The following DMRT1 variants were observed in gnomAD, a reference collection of about 807,000 sequenced individuals.
DMRT1 encodes the protein doublesex- and mab-3-related transcription factor 1.
Under a neutral mutation model 32.3 loss-of-function variants are expected in DMRT1, and 7 were observed. The ratio of observed to expected loss-of-function variants is 0.22; its 90% CI spans 0.12 to 0.41. The LOEUF (loss-of-function observed/expected upper bound fraction) is 0.41, where lower values mean the gene tolerates loss of function less well. DMRT1 is among the 10% of genes least tolerant of loss of function. The probability of loss-of-function intolerance (pLI) is 1.00; values close to 1 mark genes in which losing one functional copy is unlikely to be tolerated. For synonymous variants in DMRT1, 278 were observed against 206.1 expected, an observed-to-expected ratio of 1.35 and a Z score of -2.99; for missense variants, 625 against 500.5, an observed-to-expected ratio of 1.25 and a Z score of -2.37.
chr9:842,094 T>C lies in DMRT1; in HGVS notation c.256T>C (p.Ser86Pro). 6.5e-7 allele frequency: 1 copy of C among 1,546,876 alleles called. No homozygotes were observed. Among genetic ancestry groups the C allele is most frequent in the Admixed American group, 1.9e-5 (1 of 51,920 alleles). Residue 86 changes from serine (S) to proline (P), a missense_variant, in exon 1 of 5, where the codon TCG becomes CCG. Around this residue, in one of 3 missense-constraint regions of DMRT1, gnomAD observed 201 missense variants for 152.0 expected, o/e 1.32. Transcript: ENST00000382276. ...ACGCTGCAGGAACCACGGCTACGCC[T>C]CGCCGCTCAAGGGCCACAAGCGCTT... The part of the protein sequence containing the change: ...CARCRNHGYA[S>P]PLKGHKRFCM...
intron 2 of DMRT1, among the ~76,000 whole-genome samples, chr9:858,864 AAAAAAAAT>A (rs869123392): frequency 0.029 from 854 of 29,024 alleles, 5 homozygotes; most frequent in Middle Eastern, 0.056. Flanking sequence ...AAAAAAAAAA[AAAAAAAAT>A]ATATATATAT....
Position 968,009 on chromosome 9 carries a change from A to G in DMRT1, c.992A>G (p.Asp331Gly). ...ASVFSPPSSQ[D>G]SGLVSLSSSS... ...GTATTCTCGCCGCCCAGCAGTCAAG[A>G]TTCTGGCTTGGTTTCCCTCTCGAGC... The change falls in exon 5 of 5, where the codon GAT (aspartate) becomes GGT (glycine). Residue 331 changes from aspartate to glycine, a missense_variant. Coordinates refer to ENST00000382276, the MANE Select transcript of DMRT1 (RefSeq NM_021951.3). The G allele has an allele frequency of 1.2e-6, 2 of 1,613,776 alleles. No homozygotes were observed. The highest frequency in any genetic ancestry group is 1.6e-4 in the Middle Eastern group (1 of 6,062).
chr9:867,754 G>C (rs1049593688), intron 2 of DMRT1, among the ~76,000 whole-genome samples: 4 of 152,138 alleles, frequency 2.6e-5, no homozygotes, highest in African/African-American at 7.2e-5. Flanking sequence ...CCAGTAGGTG[G>C]CCAGGTGGTT....
At chr9:939,382 G>A (rs1013077623) in intron 4 of DMRT1, among the ~76,000 whole-genome samples, 8 of 152,136 alleles carry the variant, frequency 5.3e-5, no homozygotes, top group Non-Finnish European at 1.0e-4. Flanking sequence ...CATTCACCAA[G>A]TCTTCTTCTT....
intron 2 of DMRT1, among the ~76,000 whole-genome samples, chr9:855,804 G>A (rs1815374984): frequency 1.3e-5 from 2 of 152,128 alleles, no homozygotes; most frequent in South Asian, 4.1e-4. Flanking sequence ...TTTTTATAGA[G>A]ATGGGGATCT....
chr9:905,709 G>A (rs1269488126), intron 3 of DMRT1, among the ~76,000 whole-genome samples: 4 of 152,110 alleles, frequency 2.6e-5, no homozygotes, highest in Non-Finnish European at 5.9e-5. Flanking sequence ...GAACAGCCCT[G>A]GAACAGTGTC....
chr9:917,879 T>C (rs961067058), intron 4 of DMRT1, among the ~76,000 whole-genome samples: 1 of 152,196 alleles, frequency 6.6e-6, no homozygotes, highest in African/African-American at 2.4e-5. Context: ...GGAGCCTATG[T>C]AGTTTGAGCT....
chr9:939,781 T>C (rs948410917), intron 4 of DMRT1, among the ~76,000 whole-genome samples: 5 of 152,232 alleles, frequency 3.3e-5, no homozygotes, highest in Admixed American at 3.3e-4. Context: ...GTTTCTTTCA[T>C]ATAGATACTA....
At chr9:893,035 A>G (rs1817213466) in intron 2 of DMRT1, among the ~76,000 whole-genome samples, 1 of 151,866 alleles carries the variant, frequency 6.6e-6, no homozygotes, top group Non-Finnish European at 1.5e-5. Context: ...GTTTCCTCTG[A>G]CTTCCCATGG....
At chr9:963,270 T>C (rs1444252346) in intron 4 of DMRT1, among the ~76,000 whole-genome samples, 2 of 152,232 alleles carry the variant, frequency 1.3e-5, no homozygotes, top group East Asian at 3.8e-4. Context: ...AGTGCAGAGC[T>C]AGCCCCCTTC....
intron 4 of DMRT1, among the ~76,000 whole-genome samples, chr9:947,024 C>A (rs1021056067): frequency 1.3e-5 from 2 of 152,180 alleles, no homozygotes; most frequent in Non-Finnish European, 1.5e-5. Context: ...ACATGATTGG[C>A]AGTTTATTAT....
intron 2 of DMRT1, among the ~76,000 whole-genome samples, chr9:873,498 T>C (rs1338811491): frequency 6.6e-6 from 1 of 151,790 alleles, no homozygotes; most frequent in African/African-American, 2.4e-5. Flanking sequence ...TTTTTTTTTT[T>C]AGTAGAGATG....
At chr9:956,895 G>A (rs1045584547) in intron 4 of DMRT1, among the ~76,000 whole-genome samples, 2 of 152,294 alleles carry the variant, frequency 1.3e-5, no homozygotes, top group South Asian at 2.1e-4. Context: ...CTACAATTAA[G>A]TTTGGCTTCA....
At chr9:913,393 C>A (rs1025064126) in intron 3 of DMRT1, among the ~76,000 whole-genome samples, 1 of 142,870 alleles carries the variant, frequency 7.0e-6, no homozygotes, top group East Asian at 2.0e-4. Context: ...TCTATGGAGA[C>A]ACAAATGGCT....
chr9:858,575 T>G (rs1815503791), intron 2 of DMRT1, among the ~76,000 whole-genome samples: 1 of 152,120 alleles, frequency 6.6e-6, no homozygotes, highest in Admixed American at 6.6e-5. Flanking sequence ...ATGCACAACT[T>G]AAAATTTATC....
intron 1 of DMRT1, among the ~76,000 whole-genome samples, chr9:845,085 C>T (rs899914926): frequency 6.6e-6 from 1 of 152,170 alleles, no homozygotes; most frequent in Non-Finnish European, 1.5e-5. Context: ...GGCAGCTCTG[C>T]GGTGTGGGTG....
Position 924,441 on chromosome 9 carries a change from T to A in DMRT1, c.967+7534T>A, listed in dbSNP as rs143346825. Among the ~76,000 whole-genome samples the A allele has an allele frequency of 3.0e-3, 463 of 152,308 alleles. 2 individuals are homozygous for A. Among genetic ancestry groups the A allele is most frequent in the African/African-American group, 0.01 (434 of 41,568 alleles). On this transcript the variant is annotated intron_variant, in intron 4 of 4. Transcript: ENST00000382276. Reference sequence around the variant, plus strand: ...CAATAATAACACATGTATCTATTTTTATATATGGATCACATAAGGAATTAT... The same window carrying A: ...CAATAATAACACATGTATCTATTTTAATATATGGATCACATAAGGAATTAT...
intron 3 of DMRT1, among the ~76,000 whole-genome samples, chr9:896,735 C>T (rs1193466078): frequency 6.6e-6 from 1 of 151,766 alleles, no homozygotes; most frequent in South Asian, 2.1e-4. Context: ...ATCGTCTGAA[C>T]CCGGGAGGTG....
intron 2 of DMRT1, among the ~76,000 whole-genome samples, chr9:850,989 A>G (rs918776371): frequency 3.5e-5 from 5 of 144,086 alleles, no homozygotes; most frequent in South Asian, 2.2e-4. Context: ...AGATTGTGCC[A>G]TTGCACTCCG....
Sources: gnomAD v4.1 joint callset for allele counts (sites outside exome capture counted in the v4.1 genomes callset) on GRCh38, gnomAD v4.1.1 for gene constraint, gnomAD v4.1.1 regional missense constraint, MANE v1.5 for transcripts, NCBI Gene and HGNC (gene_info 2026-07-23, HGNC 2026-07-21) for gene names.